Variants in R3HDM2 observed in about 807,000 individuals in gnomAD.
The protein encoded by R3HDM2 is R3H domain containing 2, also known as R3H domain-containing protein 2.
Under a neutral mutation model 124.5 loss-of-function variants are expected in R3HDM2, and 38 were observed. That is an observed-to-expected ratio of 0.31 (90% CI 0.24 to 0.40). R3HDM2 has a LOEUF of 0.40. R3HDM2 is among the 10% of genes least tolerant of loss of function. R3HDM2 has a pLI of 1.00. For synonymous variants in R3HDM2, 391 were observed against 448.0 expected (o/e 0.87, Z 1.61); for missense variants, 869 against 1,236.9 (o/e 0.70, Z 4.46).
At chr12:57,346,899 G>A (rs2060142895) in intron 2 of R3HDM2, among the ~76,000 whole-genome samples, 1 of 152,122 alleles carries the variant, frequency 6.6e-6, no homozygotes, top group Non-Finnish European at 1.5e-5. Flanking sequence ...CTATATGGTG[G>A]TAAGGTTTCA....
chr12:57,269,175 C>A (rs1441765002), intron 16 of R3HDM2, 93 bp from the exon 17 acceptor site: 1 of 1,559,534 alleles, frequency 6.4e-7, no homozygotes, highest in Non-Finnish European at 8.7e-7. Flanking sequence ...TTTTATCTTT[C>A]TTTTTCTGGA....
At chr12:57,269,224 C>T in intron 16 of R3HDM2, 99 bp downstream of exon 16, 1 of 1,561,590 alleles carries the variant, frequency 6.4e-7, no homozygotes, top group Non-Finnish European at 8.7e-7. Context: ...TCATTCCTGC[C>T]CCTAGACCCA....
chr12:57,427,733 G>C (rs1868295689), intron 1 of R3HDM2, among the ~76,000 whole-genome samples: 1 of 151,998 alleles, frequency 6.6e-6, no homozygotes, highest in Non-Finnish European at 1.5e-5. Flanking sequence ...AGCAGAAAAG[G>C]GGGATAGAGA....
intron 2 of R3HDM2, among the ~76,000 whole-genome samples, chr12:57,359,979 G>T (rs1482910892): frequency 7.1e-6 from 1 of 141,258 alleles, no homozygotes; most frequent in Non-Finnish European, 1.5e-5. Context: ...ACTTATATGT[G>T]AATTGTTTTC....
intron 22 of R3HDM2, 108 bp downstream of exon 22, chr12:57,256,306 C>T: frequency 1.9e-6 from 2 of 1,035,354 alleles, no homozygotes; most frequent in Non-Finnish European, 1.4e-6. Context: ...CTGCTTTGTT[C>T]ATTCTGTGTT....
rs914825035 is a variant in R3HDM2, at chr12:57,311,987, T to A, written c.-35-1524A>T. Among the ~76,000 whole-genome samples, 4 of 152,224 alleles carry A rather than the reference T, an allele frequency of 2.6e-5. No homozygotes were observed. In the East Asian group the frequency reaches 7.7e-4, roughly 29 times the overall value. On this transcript the variant is annotated intron_variant, in intron 2 of 23. Transcript: ENST00000402412. ...TGTCCTCAATTGCCGAAGTCAAACA[T>A]GTTTAGCTACAACAATAGTTTGCAG...
chr12:57,353,849 GTTTT>G (rs372758356), intron 2 of R3HDM2, among the ~76,000 whole-genome samples: 2 of 151,736 alleles, frequency 1.3e-5, no homozygotes, highest in Admixed American at 6.6e-5. Flanking sequence ...GTAAAAATAT[GTTTT>G]TTTTATTTTT....
intron 18 of R3HDM2, among the ~76,000 whole-genome samples, chr12:57,267,618 A>G (rs2042766860): frequency 6.6e-6 from 1 of 152,192 alleles, no homozygotes; most frequent in African/African-American, 2.4e-5. Context: ...AAATAACGCC[A>G]CAAAACTCAA....
rs115515994 is a variant in R3HDM2 at position 57,280,672 on chromosome 12, G to A, written c.1172-142C>T. 420 of 724,870 alleles carry A rather than the reference G, an allele frequency of 5.8e-4. 2 individuals are homozygous for A. In the African/African-American group the frequency reaches 6.6e-3, roughly 11 times the overall value. The allele number at this position is 724,870 out of a possible 1,614,324, so 44.9% of individuals were successfully genotyped here. On this transcript the variant is annotated intron_variant, in intron 13 of 23. Transcript: ENST00000402412. Reference sequence around the variant, plus strand: ...GTCCCCTCCCCCACTGTCTTTTGAAGATTCACAGATGAGCACAGATGCATT... The same window carrying A: ...GTCCCCTCCCCCACTGTCTTTTGAAAATTCACAGATGAGCACAGATGCATT...
intron 2 of R3HDM2, among the ~76,000 whole-genome samples, chr12:57,335,364 C>T (rs2058718286): frequency 6.6e-6 from 1 of 151,258 alleles, no homozygotes; most frequent in Non-Finnish European, 1.5e-5. Context: ...CCTGCCACCA[C>T]ACCTGGCTAA....
chr12:57,325,808 T>C (rs2057233605), intron 2 of R3HDM2, among the ~76,000 whole-genome samples: 1 of 151,752 alleles, frequency 6.6e-6, no homozygotes, highest in Non-Finnish European at 1.5e-5. Flanking sequence ...CCTCCCAAAG[T>C]GCCAGATTAC....
chr12:57,421,272 C>T (rs1310392695), intron 1 of R3HDM2, among the ~76,000 whole-genome samples: 1 of 147,910 alleles, frequency 6.8e-6, no homozygotes. Flanking sequence ...CTGCCTCAGC[C>T]TCCCGAGTAG....
At chr12:57,428,748 ATT>A (rs920947925) in intron 1 of R3HDM2, among the ~76,000 whole-genome samples, 1 of 113,494 alleles carries the variant, frequency 8.8e-6, no homozygotes, top group Non-Finnish European at 2.0e-5. Context: ...GCATGCTATT[ATT>A]TTTTTTTTTT....
chr12:57,367,282 C>T (rs999434355), intron 2 of R3HDM2, among the ~76,000 whole-genome samples: 5 of 152,156 alleles, frequency 3.3e-5, no homozygotes, highest in Non-Finnish European at 7.3e-5. Context: ...CTAAAGCATC[C>T]ATGACAGGAA....
intron 19 of R3HDM2, among the ~76,000 whole-genome samples, chr12:57,262,033 G>GT (rs1218848187): frequency 2.0e-5 from 3 of 151,954 alleles, no homozygotes; most frequent in Non-Finnish European, 4.4e-5. Flanking sequence ...TTTCATTTTT[G>GT]TTTTTTTGTT....
intron 6 of R3HDM2, among the ~76,000 whole-genome samples, chr12:57,298,942 G>A (rs565062086): frequency 1.3e-5 from 2 of 151,922 alleles, no homozygotes; most frequent in Admixed American, 6.6e-5. Context: ...CAGCCTGGGC[G>A]ACAGAGGGAG....
chr12:57,337,285 A>G (rs2058975122), intron 2 of R3HDM2, among the ~76,000 whole-genome samples: 1 of 152,022 alleles, frequency 6.6e-6, no homozygotes, highest in Admixed American at 6.6e-5. Flanking sequence ...CCTTCCAATT[A>G]GCTGAGCCTA....
At position 57,372,245 on chromosome 12, in the gene R3HDM2, T is replaced by A. The variant is rs542277518; in HGVS notation, c.-36+23504A>T. Among the ~76,000 whole-genome samples the A allele has an allele frequency of 3.9e-5, 6 of 152,270 alleles. No homozygotes were observed. The South Asian group carries it at 1.2e-3, about 32-fold the overall frequency. ...GATTTAACATGAACCAGGTATGTCA[T>A]CCAAGTTGAAGACAGACACGTGGGT... On this transcript the variant is annotated intron_variant, in intron 2 of 23. Transcript: ENST00000402412.
At chr12:57,315,228 G>A (rs1044770244) in intron 2 of R3HDM2, among the ~76,000 whole-genome samples, 7 of 152,052 alleles carry the variant, frequency 4.6e-5, no homozygotes, top group African/African-American at 1.7e-4. Context: ...AGCAGAGACG[G>A]GGTTTCACCA....
Sources: allele counts gnomAD v4.1 joint callset (sites outside exome capture counted in the v4.1 genomes callset), GRCh38; gene constraint gnomAD v4.1.1; transcripts MANE v1.5; gene names NCBI Gene and HGNC (gene_info 2026-07-23, HGNC 2026-07-21).